COL5A2: variants seen among roughly 807,000 people sequenced by gnomAD.
The protein encoded by COL5A2 is collagen alpha-2(V) chain.
COL5A2 carries 23 observed loss-of-function variants against 208.2 expected under a neutral mutation model. The ratio of observed to expected loss-of-function variants is 0.11; its 90% CI spans 0.08 to 0.16. COL5A2 has a LOEUF of 0.16. Among genes scored for constraint, COL5A2 ranks in the 10% least tolerant of loss-of-function variants. The probability of loss-of-function intolerance (pLI) is 1.00; values close to 1 mark genes in which losing one functional copy is unlikely to be tolerated. For synonymous variants in COL5A2, 625 were observed against 628.5 expected (o/e 0.99, Z 0.08); for missense variants, 1,590 against 1,956.4 (o/e 0.81, Z 3.53).
chr2:189,033,926 G>A lies in COL5A2; in HGVS notation c.*144C>T. The A allele has an allele frequency of 1.0e-6, 1 of 998,208 alleles. No individual in the cohort carries two copies. Among genetic ancestry groups the A allele is most frequent in the African/African-American group, 1.6e-5 (1 of 63,254 alleles). 61.8% of individuals were successfully genotyped at this position (998,208 alleles called of 1,614,324 possible). On this transcript the variant is annotated 3_prime_UTR_variant, in exon 54 of 54. Coordinates refer to ENST00000374866, the MANE Select transcript of COL5A2 (RefSeq NM_000393.5). The stretch of plus-strand genomic sequence containing the variant: ...AATATTCTGAAGGATAAGGAGGCCA[G>A]GCACTTAAGACCATATATACAATGC...
intron 1 of COL5A2, among the ~76,000 whole-genome samples, chr2:189,170,740 T>C (rs1293839140): frequency 6.6e-6 from 1 of 151,798 alleles, no homozygotes; most frequent in East Asian, 1.9e-4. Flanking sequence ...CTCTTGGCAC[T>C]CTTAGGTAAA....
At chr2:189,362,096 TGTAAG>T in the COL5A2 span, among the ~76,000 whole-genome samples, 1 of 152,136 alleles carries the variant, frequency 6.6e-6, no homozygotes, top group Non-Finnish European at 1.5e-5. Context: ...TTCTTTCTTT[TGTAAG>T]GTAATTGCTT....
At chr2:189,346,136 T>C in the COL5A2 span, among the ~76,000 whole-genome samples, 2 of 152,210 alleles carry the variant, frequency 1.3e-5, no homozygotes, top group African/African-American at 2.4e-5. Context: ...TTGCAATGGA[T>C]ACATCTAAAA....
At position 189,035,166 on chromosome 2, in the gene COL5A2, A is replaced by G. The variant is rs587780908; in HGVS notation, c.4114-11T>C. 54 of 1,613,708 alleles carry G rather than the reference A, an allele frequency of 3.3e-5. No individual in the cohort carries two copies. Among genetic ancestry groups the G allele is most frequent in the Admixed American group, 1.7e-5 (1 of 59,994 alleles). On this transcript the variant is annotated splice_polypyrimidine_tract_variant and intron_variant, in intron 52 of 53. Coordinates refer to ENST00000374866, the MANE Select transcript of COL5A2 (RefSeq NM_000393.5). ...GTCTCCATAAGCGAACTAGAAAAAC[A>G]AAGAGTCTTTGTCATACACAAGACT... is the stretch of plus-strand genomic sequence containing the variant.
In COL5A2 at chr2:189,033,960, G is replaced by A. The variant is rs1685389624; in HGVS notation, c.*110C>T. The A allele has an allele frequency of 2.2e-6, 3 of 1,381,878 alleles. No homozygotes were observed. Among genetic ancestry groups the A allele is most frequent in the Non-Finnish European group, 3.1e-6 (3 of 976,832 alleles). The allele number at this position is 1,381,878 out of a possible 1,614,324, so 85.6% of individuals were successfully genotyped here. ...GACCATATATACAATGCTGATGCAG[G>A]ATCAGCCATTACTTCAAGAGTCTCA... On this transcript the variant is annotated 3_prime_UTR_variant, in exon 54 of 54. Transcript: ENST00000374866.
At chr2:189,047,314 A>C (rs1313888656) in intron 45 of COL5A2, among the ~76,000 whole-genome samples, 2 of 152,132 alleles carry the variant, frequency 1.3e-5, no homozygotes, top group Non-Finnish European at 2.9e-5. Flanking sequence ...TATATTGACA[A>C]AGGAAAAAGC....
At chr2:189,152,157 C>T (rs1460471945) in intron 1 of COL5A2, among the ~76,000 whole-genome samples, 2 of 152,152 alleles carry the variant, frequency 1.3e-5, no homozygotes, top group Non-Finnish European at 2.9e-5. Context: ...GCAAAGTAAT[C>T]AGAGCAAGTA....
chr2:189,370,539 A>AAC, the COL5A2 span, among the ~76,000 whole-genome samples: 3 of 152,072 alleles, frequency 2.0e-5, no homozygotes, highest in East Asian at 3.9e-4. Flanking sequence ...TCTAAAATAA[A>AAC]ACACACACAC....
intron 1 of COL5A2, among the ~76,000 whole-genome samples, chr2:189,206,362 G>A (rs1248988121): frequency 6.6e-6 from 1 of 152,190 alleles, no homozygotes; most frequent in Non-Finnish European, 1.5e-5. Flanking sequence ...GACACTCTCA[G>A]AAACCTAAGG....
intron 50 of COL5A2, among the ~76,000 whole-genome samples, chr2:189,040,246 C>T (rs944486528): frequency 5.3e-5 from 8 of 151,860 alleles, no homozygotes; most frequent in Admixed American, 1.3e-4. Flanking sequence ...CCTTCACCTC[C>T]TGAATAGCTA....
chr2:189,083,912 T>A (rs1686593764), intron 12 of COL5A2, 72 bp downstream of exon 12: 1 of 1,095,230 alleles, frequency 9.1e-7, no homozygotes, highest in Non-Finnish European at 1.4e-6. Context: ...TACATGTGCA[T>A]ACAGAGAATT....
In COL5A2 at chr2:189,087,377, G is replaced by A. The variant is rs538035132; in HGVS notation, c.646-607C>T. ...AACAAAAGGAAGAAAACAAAAATGC[G>A]ATTTTAGAACATTTATTATTATATG... is the stretch of plus-strand genomic sequence containing the variant. On this transcript the variant is annotated intron_variant, in intron 8 of 53. Coordinates refer to ENST00000374866, the MANE Select transcript of COL5A2 (RefSeq NM_000393.5). Among the ~76,000 whole-genome samples, 37 of 151,906 alleles carry A rather than the reference G, an allele frequency of 2.4e-4. No homozygotes were observed. The South Asian group carries it at 2.7e-3, about 11-fold the overall frequency.
At chr2:189,228,189 A>G (rs1458990706), upstream of COL5A2, among the ~76,000 whole-genome samples, 2 of 151,940 alleles carry the variant, frequency 1.3e-5, no homozygotes, top group Non-Finnish European at 2.9e-5. Flanking sequence ...GTTTAAAGCA[A>G]TAAATGCCTA....
chr2:189,107,038 A>G (rs1194726947), intron 2 of COL5A2, among the ~76,000 whole-genome samples: 1 of 151,452 alleles, frequency 6.6e-6, no homozygotes, highest in Non-Finnish European at 1.5e-5. Context: ...TGTGTGTGTC[A>G]TTGTTATTAC....
chr2:189,172,275 G>A (rs992848490), intron 1 of COL5A2, among the ~76,000 whole-genome samples: 8 of 152,108 alleles, frequency 5.3e-5, no homozygotes, highest in East Asian at 3.9e-4. Context: ...AAGAGAGCAT[G>A]ACTGATGGAA....
At chr2:189,380,584 T>C in the COL5A2 span, among the ~76,000 whole-genome samples, 5 of 151,470 alleles carry the variant, frequency 3.3e-5, no homozygotes, top group African/African-American at 7.2e-5. Flanking sequence ...TTAATATAGA[T>C]ATAGTTATAA....
intron 1 of COL5A2, among the ~76,000 whole-genome samples, chr2:189,155,679 T>C (rs894478982): frequency 6.6e-6 from 1 of 152,180 alleles, no homozygotes; most frequent in African/African-American, 2.4e-5. Flanking sequence ...TTTTAAAATA[T>C]ATATTTTTGT....
the COL5A2 span, among the ~76,000 whole-genome samples, chr2:189,235,200 A>C: frequency 6.6e-6 from 1 of 151,652 alleles, no homozygotes; most frequent in Non-Finnish European, 1.5e-5. Context: ...ACATACTATG[A>C]CTCAGTAGAG....
At chr2:189,165,696 A>C (rs1305622947) in intron 1 of COL5A2, among the ~76,000 whole-genome samples, 5 of 152,206 alleles carry the variant, frequency 3.3e-5, no homozygotes. Flanking sequence ...CAAAGTCTGG[A>C]CCCAAAGATG....
Sources: allele counts gnomAD v4.1 joint callset (sites outside exome capture counted in the v4.1 genomes callset), GRCh38; gene constraint gnomAD v4.1.1; transcripts MANE v1.5; gene names NCBI Gene and HGNC (gene_info 2026-07-23, HGNC 2026-07-21).